The following NIPAL2 variants were observed in gnomAD, a reference collection of about 807,000 sequenced individuals.
The protein encoded by NIPAL2 is NIPA like domain containing 2.
NIPAL2 carries 43 observed loss-of-function variants against 48.9 expected under a neutral mutation model. That is an observed-to-expected ratio of 0.88 (90% CI 0.69 to 1.13). The LOEUF (loss-of-function observed/expected upper bound fraction) is 1.13, where lower values mean the gene tolerates loss of function less well. Among genes scored for constraint, NIPAL2 ranks in the 50% most tolerant of loss-of-function variants. The pLI is 0.00. For synonymous variants in NIPAL2, 167 were observed against 174.6 expected (o/e 0.96, Z 0.34); for missense variants, 446 against 461.4 (o/e 0.97, Z 0.31).
intron 1 of NIPAL2, among the ~76,000 whole-genome samples, chr8:98,269,010 C>G (rs13268447): frequency 0.45 from 68,240 of 152,034 alleles, 16,609 homozygotes; most frequent in Non-Finnish European, 0.56. Flanking sequence ...CTTTGCTCAT[C>G]GATAAAAAGC....
intron 8 of NIPAL2, among the ~76,000 whole-genome samples, chr8:98,198,403 T>C (rs919204240): frequency 3.3e-5 from 5 of 152,246 alleles, no homozygotes; most frequent in Non-Finnish European, 7.3e-5. Context: ...TTAATAAGCA[T>C]TGGCTTCAAA....
At chr8:98,236,769 T>C (rs1812736221) in intron 3 of NIPAL2, among the ~76,000 whole-genome samples, 1 of 148,960 alleles carries the variant, frequency 6.7e-6, no homozygotes, top group African/African-American at 2.5e-5. Context: ...GGTGGATTTC[T>C]TGAGCCTGGG....
At chr8:98,201,167 T>G (rs928540257) in intron 8 of NIPAL2, among the ~76,000 whole-genome samples, 1 of 152,094 alleles carries the variant, frequency 6.6e-6, no homozygotes, top group Non-Finnish European at 1.5e-5. Flanking sequence ...GTAGGCAAAA[T>G]ACGGTCTCAT....
At chr8:98,221,208 T>C (rs113158053) in intron 5 of NIPAL2, among the ~76,000 whole-genome samples, 1 of 151,920 alleles carries the variant, frequency 6.6e-6, no homozygotes, top group Non-Finnish European at 1.5e-5. Context: ...ACTCCTGACC[T>C]CAAGTGATCT....
chr8:98,205,478 G>GT (rs35590416), intron 6 of NIPAL2, among the ~76,000 whole-genome samples: 7,613 of 147,642 alleles, frequency 0.052, 354 homozygotes, highest in African/African-American at 0.13. Context: ...GTGACTGTGT[G>GT]TTTTTTTTTT....
intron 2 of NIPAL2, among the ~76,000 whole-genome samples, chr8:98,253,375 C>T (rs886871139): frequency 6.6e-6 from 1 of 152,030 alleles, no homozygotes; most frequent in Non-Finnish European, 1.5e-5. Flanking sequence ...TGATTCAAAT[C>T]GTTTTAAAGA....
chr8:98,238,136 T>C (rs1812808094), intron 3 of NIPAL2, among the ~76,000 whole-genome samples: 1 of 152,202 alleles, frequency 6.6e-6, no homozygotes, highest in Non-Finnish European at 1.5e-5. Flanking sequence ...ACTGAACCTC[T>C]CTGAGTTGTC....
At chr8:98,242,491 T>TTTTGTTTTTTTG (rs1037567916) in intron 3 of NIPAL2, among the ~76,000 whole-genome samples, 24 of 141,270 alleles carry the variant, frequency 1.7e-4, no homozygotes, top group East Asian at 1.0e-3. Flanking sequence ...CTGACAGATT[T>TTTTGTTTTTTTG]TTTTTTTTTT....
chr8:98,278,224 TTTTG>T (rs142485145), intron 1 of NIPAL2, among the ~76,000 whole-genome samples: 4,400 of 152,214 alleles, frequency 0.029, 70 homozygotes, highest in Non-Finnish European at 0.035. Context: ...TATCATGGTT[TTTTG>T]TTTGTTTGTT....
chr8:98,291,217 C>T (rs1285376077), intron 1 of NIPAL2, among the ~76,000 whole-genome samples: 2 of 152,234 alleles, frequency 1.3e-5, no homozygotes, highest in Middle Eastern at 3.4e-3. Flanking sequence ...ATATTTCTAC[C>T]TTATAGTCAG....
At chr8:98,282,612 G>T (rs1310973626) in intron 1 of NIPAL2, among the ~76,000 whole-genome samples, 5 of 152,158 alleles carry the variant, frequency 3.3e-5, no homozygotes, top group Non-Finnish European at 7.3e-5. Flanking sequence ...GTTTGAGGCT[G>T]CAGTGAGCTA....
intron 8 of NIPAL2, among the ~76,000 whole-genome samples, chr8:98,197,545 G>A (rs73283710): frequency 0.038 from 5,742 of 152,224 alleles, 350 homozygotes; most frequent in African/African-American, 0.13. Context: ...ATGCCATACT[G>A]TTTGACAGCA....
chr8:98,269,805 AG>A (rs1366370072), intron 1 of NIPAL2, among the ~76,000 whole-genome samples: 1 of 152,154 alleles, frequency 6.6e-6, no homozygotes, highest in East Asian at 1.9e-4. Context: ...CAGTGAATAT[AG>A]TACTCAATAG....
intron 7 of NIPAL2, among the ~76,000 whole-genome samples, chr8:98,204,004 T>A (rs942532233): frequency 6.6e-6 from 1 of 151,740 alleles, no homozygotes; most frequent in African/African-American, 2.4e-5. Flanking sequence ...CAGGTCATTT[T>A]AATGGGCAAC....
chr8:98,268,586 A>C (rs1429432661), intron 1 of NIPAL2, among the ~76,000 whole-genome samples: 2 of 151,034 alleles, frequency 1.3e-5, no homozygotes, highest in East Asian at 1.9e-4. Flanking sequence ...GCACCACTGC[A>C]CTCCAGCCTG....
rs78564181 is a variant in NIPAL2 at position 98,279,701 on chromosome 8, C to T, written c.135+14302G>A. Among the ~76,000 whole-genome samples, 125 of 152,252 alleles carry T rather than the reference C, an allele frequency of 8.2e-4. 3 individuals are homozygous for T. In the East Asian group the frequency reaches 0.023, roughly 28 times the overall value. ...TTTTTGGCTAGTCAATGTCAATGTA[C>T]CACAATTTTTTAATTAGCAGAATTT... On this transcript the variant is annotated intron_variant, in intron 1 of 10. Coordinates refer to ENST00000430223, the MANE Select transcript of NIPAL2 (RefSeq NM_001321635.2).
At chr8:98,256,805 C>G (rs1813922350) in intron 1 of NIPAL2, among the ~76,000 whole-genome samples, 1 of 152,000 alleles carries the variant, frequency 6.6e-6, no homozygotes, top group Non-Finnish European at 1.5e-5. Flanking sequence ...TGGTACATAT[C>G]CAAAAGAACT....
chr8:98,236,454 A>C (rs1249770443), intron 3 of NIPAL2, among the ~76,000 whole-genome samples: 1 of 152,192 alleles, frequency 6.6e-6, no homozygotes, highest in Non-Finnish European at 1.5e-5. Flanking sequence ...GTGAAGGCTT[A>C]ATAAAAGTTT....
intron 6 of NIPAL2, among the ~76,000 whole-genome samples, chr8:98,206,705 G>A (rs377111441): frequency 1.2e-3 from 181 of 150,714 alleles, no homozygotes; most frequent in African/African-American, 4.2e-3. Flanking sequence ...GGAGAATGGC[G>A]TGAACCCAGG....
Sources: allele counts gnomAD v4.1 joint callset (sites outside exome capture counted in the v4.1 genomes callset), GRCh38; gene constraint gnomAD v4.1.1; transcripts MANE v1.5; gene names NCBI Gene and HGNC (gene_info 2026-07-23, HGNC 2026-07-21).